The following TOM1L2 variants were observed in gnomAD, a reference collection of about 807,000 sequenced individuals.
TOM1L2 encodes TOM1-like protein 2.
A neutral mutation model predicts 67.9 loss-of-function variants in TOM1L2; 31 were observed. That is an observed-to-expected ratio of 0.46 (90% CI 0.34 to 0.62). TOM1L2 has a LOEUF of 0.62. Ranked by LOEUF, TOM1L2 falls within the 20% of genes least tolerant of loss-of-function variation. The pLI is 0.01. For missense variants in TOM1L2, 606 were observed against 663.5 expected (o/e 0.91, Z 0.95); for synonymous variants, 256 against 254.0 (o/e 1.01, Z -0.07).
chr17:17,912,470 G>A (rs1249629594), intron 1 of TOM1L2, among the ~76,000 whole-genome samples: 8 of 151,356 alleles, frequency 5.3e-5, no homozygotes, highest in East Asian at 2.0e-4. Context: ...CTTCTCAGAC[G>A]GGGTGGCCGG....
At chr17:17,968,758 C>T (rs952755290) in intron 1 of TOM1L2, among the ~76,000 whole-genome samples, 2 of 152,090 alleles carry the variant, frequency 1.3e-5, no homozygotes, top group African/African-American at 2.4e-5. Flanking sequence ...CCACTCCCCA[C>T]AGCCACCTCT....
At chr17:17,943,468 TG>T (rs938565203) in intron 1 of TOM1L2, among the ~76,000 whole-genome samples, 5 of 152,054 alleles carry the variant, frequency 3.3e-5, no homozygotes, top group Non-Finnish European at 4.4e-5. Context: ...TAACAACACT[TG>T]GGTATGGAGA....
chr17:17,956,822 C>T lies in TOM1L2; in HGVS notation c.52+15440G>A, dbSNP rs117688336. Among the ~76,000 whole-genome samples, 235 of 152,326 alleles carry T rather than the reference C, an allele frequency of 1.5e-3. 7 individuals carry two copies. The East Asian group carries it at 0.037, about 24-fold the overall frequency. On this transcript the variant is annotated intron_variant, in intron 1 of 14. Transcript: ENST00000379504. ...AACTCGCGCTGGCCCGCAAGCGCCACGCGCAGCCCGGTTCCCGCCCGCGCC... is the reference window on the plus strand; with the variant it reads ...AACTCGCGCTGGCCCGCAAGCGCCATGCGCAGCCCGGTTCCCGCCCGCGCC...
At chr17:17,883,782 A>G (rs116343777) in intron 5 of TOM1L2, among the ~76,000 whole-genome samples, 278 of 152,312 alleles carry the variant, frequency 1.8e-3, no homozygotes, top group African/African-American at 6.3e-3. Flanking sequence ...TGGGTATCTC[A>G]GATGACCTCT....
chr17:17,844,375 C>T lies in TOM1L2; in HGVS notation c.*3260G>A, dbSNP rs1205338409. ...TTGCCCCAACTCTCCGGGCTGGGTC[C>T]TCTCCTCCCCAGGGGCTGGAGTGAC... is the stretch of plus-strand genomic sequence containing the variant. On this transcript the variant is annotated 3_prime_UTR_variant, in exon 15 of 15. Transcript: ENST00000379504. The T allele has an allele frequency of 6.6e-6, 1 of 151,974 alleles. No individual in the cohort carries two copies. The highest frequency in any genetic ancestry group is 1.5e-5 in the Non-Finnish European group (1 of 67,938). 9.4% of individuals were successfully genotyped at this position (151,974 alleles called of 1,614,324 possible).
intron 7 of TOM1L2, among the ~76,000 whole-genome samples, chr17:17,877,351 C>G (rs530096464): frequency 6.6e-6 from 1 of 152,192 alleles, no homozygotes; most frequent in Non-Finnish European, 1.5e-5. Context: ...GTGGGAACAT[C>G]TGGGTTGTTT....
chr17:17,963,436 G>A lies in TOM1L2; in HGVS notation c.52+8826C>T, dbSNP rs1016047240. 2.6e-5 allele frequency among the ~76,000 whole-genome samples: 4 copies of A among 152,236 alleles called. No homozygotes were observed. In the East Asian group the frequency reaches 5.8e-4, roughly 22 times the overall value. ...GGCAACATGAACAAAGAAAAACGCTGGAGCTAGAGCCCCTGGCTGGAGAGG... is the reference window on the plus strand; with the variant it reads ...GGCAACATGAACAAAGAAAAACGCTAGAGCTAGAGCCCCTGGCTGGAGAGG... On this transcript the variant is annotated intron_variant, in intron 1 of 14. Transcript: ENST00000379504.
chr17:17,850,923 G>C lies in TOM1L2; in HGVS notation c.1308C>G (p.Asp436Glu). 1 of 1,614,026 alleles carries C rather than the reference G, an allele frequency of 6.2e-7. No individual in the cohort carries two copies. The highest frequency in any genetic ancestry group is 8.5e-7 in the Non-Finnish European group (1 of 1,180,026). The change falls in exon 13 of 15, where the codon GAC becomes GAG. Residue 436 changes from aspartate (D) to glutamate (E), a missense_variant. By Grantham distance (45) the Asp-to-Glu change is conservative (BLOSUM62 2). Transcript: ENST00000379504. The stretch of plus-strand genomic sequence containing the variant: ...CGGTCCTGAGCCACACCTCAATGTC[G>C]TCCATGACAGATGGCTGCGCAACGG... ...GIPVAQPSVM[D>E]DIEVWLRTDL...
chr17:17,886,698 A>G (rs1471759421), intron 4 of TOM1L2, among the ~76,000 whole-genome samples: 1 of 152,204 alleles, frequency 6.6e-6, no homozygotes, highest in African/African-American at 2.4e-5. Context: ...CTTTCAATTC[A>G]TCTAGCTCTC....
At chr17:17,856,006 G>T (rs1016113432) in intron 12 of TOM1L2, among the ~76,000 whole-genome samples, 1 of 152,132 alleles carries the variant, frequency 6.6e-6, no homozygotes, top group Non-Finnish European at 1.5e-5. Flanking sequence ...AAGACACCAG[G>T]TTAGCTGTTA....
intron 1 of TOM1L2, among the ~76,000 whole-genome samples, chr17:17,938,770 T>G (rs1436598256): frequency 6.6e-6 from 1 of 151,592 alleles, no homozygotes; most frequent in South Asian, 2.1e-4. Flanking sequence ...GAAAGGGTTT[T>G]TTTTTTTTTT....
At chr17:17,963,827 T>A (rs371012675) in intron 1 of TOM1L2, among the ~76,000 whole-genome samples, 29 of 152,092 alleles carry the variant, frequency 1.9e-4, no homozygotes, top group African/African-American at 6.8e-4. Flanking sequence ...ATAACAACAG[T>A]AACAGTGGAG....
intron 1 of TOM1L2, among the ~76,000 whole-genome samples, chr17:17,953,675 A>G (rs1450565459): frequency 1.3e-5 from 2 of 152,238 alleles, no homozygotes; most frequent in East Asian, 3.8e-4. Flanking sequence ...CCAGCCCAAC[A>G]CACATGAAGA....
intron 1 of TOM1L2, among the ~76,000 whole-genome samples, chr17:17,948,002 T>C (rs1423702583): frequency 6.6e-6 from 1 of 152,190 alleles, no homozygotes; most frequent in Non-Finnish European, 1.5e-5. Flanking sequence ...AAAAGAAAAT[T>C]AATGAGTCAA....
At chr17:17,853,346 T>C (rs2036093268) in intron 12 of TOM1L2, among the ~76,000 whole-genome samples, 1 of 152,226 alleles carries the variant, frequency 6.6e-6, no homozygotes, top group South Asian at 2.1e-4. Context: ...AGCTTTCCAA[T>C]GTGTTGCAAA....
chr17:17,848,026 ACCATTTTCCAGATCAGCACTGGGTTTTGT>A (rs1054173766), intron 14 of TOM1L2, among the ~76,000 whole-genome samples: 8 of 152,098 alleles, frequency 5.3e-5, no homozygotes, highest in East Asian at 1.9e-4. Flanking sequence ...CCTACCGCTG[ACCATTTTCCAGATCAGCACTGGGTTTTGT>A]CCATTTTCCA....
intron 1 of TOM1L2, among the ~76,000 whole-genome samples, chr17:17,910,380 T>C (rs913832221): frequency 6.6e-6 from 1 of 152,140 alleles, no homozygotes; most frequent in Admixed American, 6.5e-5. Context: ...CACTTGGCAG[T>C]AGTGCAATGC....
chr17:17,902,938 G>A (rs2038921688), intron 2 of TOM1L2, among the ~76,000 whole-genome samples: 1 of 152,168 alleles, frequency 6.6e-6, no homozygotes, highest in Non-Finnish European at 1.5e-5. Context: ...ACAGGGAGAT[G>A]AAGTAACTCA....
At chr17:17,849,948 G>C (rs1338301490) in intron 13 of TOM1L2, among the ~76,000 whole-genome samples, 1 of 152,198 alleles carries the variant, frequency 6.6e-6, no homozygotes, top group Non-Finnish European at 1.5e-5. Flanking sequence ...TGACCTTCTG[G>C]GGAGGAGGCC....
Sources: gnomAD v4.1 joint callset for allele counts (sites outside exome capture counted in the v4.1 genomes callset) on GRCh38, gnomAD v4.1.1 for gene constraint, MANE v1.5 for transcripts, NCBI Gene and HGNC (gene_info 2026-07-23, HGNC 2026-07-21) for gene names.